The following STPG2 variants were observed in gnomAD, a reference collection of about 807,000 sequenced individuals.
The protein encoded by STPG2 is sperm-tail PG-rich repeat-containing protein 2.
STPG2 carries 56 observed loss-of-function variants against 54.2 expected under a neutral mutation model. The observed-to-expected ratio is 1.03, with a 90% CI of 0.83 to 1.29. The LOEUF is 1.29. Ranked by LOEUF, STPG2 falls within the 50% of genes most tolerant of loss-of-function variation. The pLI is 0.00. For synonymous variants in STPG2, 200 were observed against 181.8 expected (o/e 1.10, Z -0.81); for missense variants, 596 against 544.9 (o/e 1.09, Z -0.93).
At chr4:97,804,257 T>C (rs1271895787) in intron 9 of STPG2, among the ~76,000 whole-genome samples, 2 of 152,122 alleles carry the variant, frequency 1.3e-5, no homozygotes, top group Non-Finnish European at 2.9e-5. Context: ...TACACAATCG[T>C]GAGCTGCAAA....
At chr4:97,463,088 G>A (rs1729703487) in intron 4 of STPG2, among the ~76,000 whole-genome samples, 1 of 152,010 alleles carries the variant, frequency 6.6e-6, no homozygotes, top group African/African-American at 2.4e-5. Context: ...TATTCTGTAT[G>A]CAAATGTGGT....
rs538025735 is a variant in STPG2, at chr4:97,850,921, G to C, written c.1045-9989C>G. 1.6e-3 allele frequency among the ~76,000 whole-genome samples: 238 copies of C among 152,274 alleles called. 1 individual carries two copies. Among genetic ancestry groups the C allele is most frequent in the African/African-American group, 5.5e-3 (228 of 41,580 alleles). ...TCAGTCATAATAGCTCTCTGTTTTT[G>C]AGGTCATTACAACTGTAAAAAATTA... On this transcript the variant is annotated intron_variant, in intron 8 of 10. Coordinates refer to ENST00000295268, the MANE Select transcript of STPG2 (RefSeq NM_174952.3).
chr4:97,807,086 T>A (rs1048264371), intron 9 of STPG2, among the ~76,000 whole-genome samples: 37 of 151,908 alleles, frequency 2.4e-4, no homozygotes, highest in African/African-American at 8.4e-4. Flanking sequence ...TTTCCAATGT[T>A]TTTCTATAAT....
intron 9 of STPG2, among the ~76,000 whole-genome samples, chr4:97,817,664 C>G (rs1318062070): frequency 6.6e-6 from 1 of 151,996 alleles, no homozygotes; most frequent in Admixed American, 6.6e-5. Flanking sequence ...TCACTCTCTG[C>G]AGAAAATCTA....
chr4:97,963,211 A>G (rs1182756127), intron 7 of STPG2, among the ~76,000 whole-genome samples: 1 of 152,022 alleles, frequency 6.6e-6, no homozygotes, highest in Non-Finnish European at 1.5e-5. Context: ...TTTTTATCTA[A>G]ATGTCAGGTT....
intron 4 of STPG2, among the ~76,000 whole-genome samples, chr4:97,536,453 G>A (rs1434173828): frequency 1.3e-5 from 2 of 152,114 alleles, no homozygotes; most frequent in African/African-American, 4.8e-5. Context: ...TGTGAAGAAG[G>A]TACTTGCTTC....
chr4:97,464,984 C>T (rs1578320293), intron 4 of STPG2, among the ~76,000 whole-genome samples: 1 of 152,120 alleles, frequency 6.6e-6, no homozygotes, highest in East Asian at 1.9e-4. Flanking sequence ...GAAAGCATAA[C>T]TTTTTTTGGA....
At chr4:97,920,225 CCAG>C (rs1732044902) in intron 8 of STPG2, among the ~76,000 whole-genome samples, 1 of 152,110 alleles carries the variant, frequency 6.6e-6, no homozygotes. Context: ...ACTCATAAGT[CCAG>C]CAACCAAGGA....
intron 8 of STPG2, among the ~76,000 whole-genome samples, chr4:97,911,038 G>C (rs1211559205): frequency 6.6e-6 from 1 of 152,212 alleles, no homozygotes; most frequent in Non-Finnish European, 1.5e-5. Flanking sequence ...TCACCTGGAA[G>C]CACAAGCCGC....
intron 8 of STPG2, among the ~76,000 whole-genome samples, chr4:97,885,314 T>G (rs1346236912): frequency 1.3e-5 from 2 of 152,128 alleles, no homozygotes; most frequent in African/African-American, 4.8e-5. Context: ...TAAAATAGTA[T>G]GTGAAAAGAT....
chr4:97,908,864 G>C lies in STPG2; in HGVS notation c.1044+35033C>G, dbSNP rs1404694703. The stretch of plus-strand genomic sequence containing the variant: ...GGAACATCACATTCTGGGGACTGTT[G>C]TGGGGTTGGGGGAGGGGGGAGGGAT... On this transcript the variant is annotated intron_variant, in intron 8 of 10. Coordinates refer to ENST00000295268, the MANE Select transcript of STPG2 (RefSeq NM_174952.3). 2.1e-5 allele frequency among the ~76,000 whole-genome samples: 3 copies of C among 145,926 alleles called. No individual in the cohort carries two copies. The East Asian group carries it at 6.1e-4, about 30-fold the overall frequency.
At chr4:97,962,690 G>A (rs752883703) in intron 7 of STPG2, among the ~76,000 whole-genome samples, 85 of 152,084 alleles carry the variant, frequency 5.6e-4, no homozygotes, top group Non-Finnish European at 1.5e-4. Context: ...ACTTAGTATT[G>A]CAACAACACT....
intron 4 of STPG2, among the ~76,000 whole-genome samples, chr4:97,446,854 ATTTC>A (rs1729235219): frequency 6.6e-6 from 1 of 152,178 alleles, no homozygotes; most frequent in Admixed American, 6.5e-5. Flanking sequence ...AGTCTCAGGT[ATTTC>A]TTCATAGCAG....
chr4:97,759,708 T>TA (rs1725834815), intron 9 of STPG2, among the ~76,000 whole-genome samples: 1 of 152,102 alleles, frequency 6.6e-6, no homozygotes. Context: ...AAAAAATATT[T>TA]AAGGTGGCCA....
chr4:97,707,010 A>G (rs976129456), intron 10 of STPG2, among the ~76,000 whole-genome samples: 1 of 152,158 alleles, frequency 6.6e-6, no homozygotes, highest in African/African-American at 2.4e-5. Context: ...AGAGGGAAAA[A>G]TGAAGTAAAG....
At chr4:98,101,621 G>A (rs75107971) in intron 5 of STPG2, among the ~76,000 whole-genome samples, 2,519 of 152,192 alleles carry the variant, frequency 0.017, 37 homozygotes, top group Middle Eastern at 0.031. Flanking sequence ...GAGCAGCAGC[G>A]TAGCAATTCC....
intron 9 of STPG2, among the ~76,000 whole-genome samples, chr4:97,794,044 T>C (rs1222664500): frequency 1.3e-5 from 2 of 152,090 alleles, no homozygotes; most frequent in Non-Finnish European, 2.9e-5. Context: ...CAAAGCTTCA[T>C]AGCAATATAA....
chr4:97,447,244 T>G (rs1170336673), intron 4 of STPG2, among the ~76,000 whole-genome samples: 1 of 152,138 alleles, frequency 6.6e-6, no homozygotes, highest in Non-Finnish European at 1.5e-5. Context: ...AATTGGAACT[T>G]ACATTTAAAA....
intron 9 of STPG2, among the ~76,000 whole-genome samples, chr4:97,787,556 G>A (rs549279906): frequency 5.3e-5 from 8 of 151,956 alleles, no homozygotes; most frequent in Non-Finnish European, 8.8e-5. Flanking sequence ...GTGTCTGTTC[G>A]TGAGAGATAC....
Sources: allele counts gnomAD v4.1 joint callset (sites outside exome capture counted in the v4.1 genomes callset), GRCh38; gene constraint gnomAD v4.1.1; transcripts MANE v1.5; gene names NCBI Gene and HGNC (gene_info 2026-07-23, HGNC 2026-07-21).